Variants in GPR139 observed in about 807,000 individuals in gnomAD.
GPR139 encodes G protein-coupled receptor 139.
A neutral mutation model predicts 25.8 loss-of-function variants in GPR139; 12 were observed. The ratio of observed to expected loss-of-function variants is 0.47; its 90% CI spans 0.30 to 0.75. The LOEUF (loss-of-function observed/expected upper bound fraction) is 0.75. Among genes scored for constraint, GPR139 ranks in the 30% least tolerant of loss-of-function variants. The pLI is 0.07. For synonymous variants in GPR139, 184 were observed against 179.9 expected (o/e 1.02, Z -0.18); for missense variants, 380 against 450.2 (o/e 0.84, Z 1.41).
chr16:20,069,845 T>A (rs1477675098), intron 1 of GPR139, among the ~76,000 whole-genome samples: 1 of 152,256 alleles, frequency 6.6e-6, no homozygotes, highest in Admixed American at 6.5e-5. Context: ...GTCTCTTTTG[T>A]ACTGTCTCAT....
chr16:20,055,951 G>T (rs557335913), intron 1 of GPR139, among the ~76,000 whole-genome samples: 2 of 152,314 alleles, frequency 1.3e-5, no homozygotes, highest in Admixed American at 1.3e-4. Context: ...GTTAATTCAG[G>T]TAATGTGTTT....
intron 1 of GPR139, among the ~76,000 whole-genome samples, chr16:20,070,293 A>G (rs1006137761): frequency 3.9e-5 from 6 of 152,126 alleles, no homozygotes; most frequent in African/African-American, 1.4e-4. Flanking sequence ...CAGTGTGGAG[A>G]AGGCACTGAG....
intron 1 of GPR139, among the ~76,000 whole-genome samples, chr16:20,040,782 T>C (rs1434603841): frequency 1.3e-5 from 2 of 152,130 alleles, no homozygotes; most frequent in African/African-American, 2.4e-5. Context: ...TTAGGTTAGA[T>C]GTCAAGAAGA....
Position 20,039,059 on chromosome 16 carries a change from A to G in GPR139, c.128-6390T>C, listed in dbSNP as rs139184098. Among the ~76,000 whole-genome samples, 275 of 152,340 alleles carry G rather than the reference A, an allele frequency of 1.8e-3. 2 individuals are homozygous for G. Among genetic ancestry groups the G allele is most frequent in the Middle Eastern group, 0.017 (5 of 294 alleles). ...CACCACCAAAATGTCAATGCTTCTG[A>G]AAAGCAAATCCTTTCTGTCAATGGT... On this transcript the variant is annotated intron_variant, in intron 1 of 1. Transcript: ENST00000570682.
At chr16:20,065,918 A>G (rs569543183) in intron 1 of GPR139, among the ~76,000 whole-genome samples, 11 of 152,024 alleles carry the variant, frequency 7.2e-5, no homozygotes, top group Admixed American at 5.9e-4. Context: ...AATGCGTTTG[A>G]AGTGTTTTGA....
chr16:20,064,081 G>A (rs567300193), intron 1 of GPR139, among the ~76,000 whole-genome samples: 1 of 152,280 alleles, frequency 6.6e-6, no homozygotes, highest in Admixed American at 6.5e-5. Context: ...TTTCTATCAT[G>A]AGAAAAGATT....
intron 1 of GPR139, among the ~76,000 whole-genome samples, chr16:20,050,952 A>G (rs115165635): frequency 0.011 from 1,601 of 151,550 alleles, 28 homozygotes; most frequent in African/African-American, 0.037. Context: ...TGTCCCAGCT[A>G]CTTGGGAGTC....
At chr16:20,040,838 T>G (rs1023507867) in intron 1 of GPR139, among the ~76,000 whole-genome samples, 1 of 152,086 alleles carries the variant, frequency 6.6e-6, no homozygotes, top group African/African-American at 2.4e-5. Context: ...AGCAGGCCAC[T>G]CTTGAGCACA....
chr16:20,032,983 C>G (rs1178217861), intron 1 of GPR139, among the ~76,000 whole-genome samples: 1 of 150,210 alleles, frequency 6.7e-6, no homozygotes, highest in Admixed American at 6.6e-5. Flanking sequence ...CTCACACAAC[C>G]ATGAGTGGTG....
rs1408689444 is a variant in GPR139 at position 20,038,325 on chromosome 16, ATATATGTG to A, written c.128-5664_128-5657del. Among the ~76,000 whole-genome samples, 185 of 48,936 alleles carry A rather than the reference ATATATGTG, an allele frequency of 3.8e-3. 1 individual carries two copies. Among genetic ancestry groups the A allele is most frequent in the Admixed American group, 0.018 (81 of 4,488 alleles). 32.1% of individuals were successfully genotyped at this position (48,936 alleles called of 152,430 possible). A position where few individuals can be genotyped will look rare whatever the true frequency, so the allele number is the denominator to read the frequency against. ...ACAGGTTTAAGTTCCTGGATAATAT[ATATATGTG>A]TGTGTGTGTGTGTGTGTGTGTGTGT... On this transcript the variant is annotated intron_variant, in intron 1 of 1. Coordinates refer to ENST00000570682, the MANE Select transcript of GPR139 (RefSeq NM_001002911.4).
chr16:20,047,992 T>C (rs1323229314), intron 1 of GPR139, among the ~76,000 whole-genome samples: 1 of 152,218 alleles, frequency 6.6e-6, no homozygotes, highest in Non-Finnish European at 1.5e-5. Context: ...GGTAAAAGTT[T>C]GGAAGGGCAG....
chr16:20,060,659 G>GTA (rs1164055857), intron 1 of GPR139, among the ~76,000 whole-genome samples: 3 of 152,200 alleles, frequency 2.0e-5, no homozygotes, highest in Non-Finnish European at 2.9e-5. Context: ...TTCATACTCT[G>GTA]TATAATGTAT....
chr16:20,046,009 A>G (rs1011475488), intron 1 of GPR139, among the ~76,000 whole-genome samples: 2 of 152,196 alleles, frequency 1.3e-5, no homozygotes, highest in Non-Finnish European at 2.9e-5. Flanking sequence ...CTGGGGTGTC[A>G]GAGGCTAATT....
At chr16:20,041,541 A>G (rs1230491924) in intron 1 of GPR139, among the ~76,000 whole-genome samples, 2 of 151,836 alleles carry the variant, frequency 1.3e-5, no homozygotes, top group African/African-American at 4.8e-5. Context: ...TACCTGCCCC[A>G]CTCTGGACCC....
rs754794349 is a variant in GPR139 at position 20,032,596 on chromosome 16, C to T, written c.201G>A (p.Leu67=). Residue 67 remains leucine (L), a synonymous_variant, in exon 2 of 2, where the codon TTG becomes TTA. Transcript: ENST00000570682. The part of the protein sequence containing the change: ...RRQKSSYNYL[L]ALAAADILVL... ...CCAAGATGTCGGCAGCAGCGAGTGC[C>T]AAGAGATAGTTGTAGGAGGACTTCT... 6.2e-7 allele frequency: 1 copy of T among 1,613,992 alleles called. No individual in the cohort carries two copies. The highest frequency in any genetic ancestry group is 1.3e-5 in the African/African-American group (1 of 75,016).
At chr16:20,040,763 C>A (rs2057326839) in intron 1 of GPR139, among the ~76,000 whole-genome samples, 1 of 152,056 alleles carries the variant, frequency 6.6e-6, no homozygotes, top group Non-Finnish European at 1.5e-5. Flanking sequence ...TTGGAGGCTA[C>A]AAAAGGATTT....
intron 1 of GPR139, among the ~76,000 whole-genome samples, chr16:20,067,821 A>AAAGC (rs1384214393): frequency 1.3e-5 from 2 of 151,600 alleles, no homozygotes; most frequent in Non-Finnish European, 2.9e-5. Flanking sequence ...AAAAAAAAAA[A>AAAGC]AAAGCATTGG....
At chr16:20,039,003 C>G (rs1596464772) in intron 1 of GPR139, among the ~76,000 whole-genome samples, 1 of 152,140 alleles carries the variant, frequency 6.6e-6, no homozygotes, top group African/African-American at 2.4e-5. Context: ...GAAACCCAAC[C>G]AATCCCATCC....
At chr16:20,034,262 T>C (rs2057302320) in intron 1 of GPR139, among the ~76,000 whole-genome samples, 1 of 152,212 alleles carries the variant, frequency 6.6e-6, no homozygotes, top group African/African-American at 2.4e-5. Context: ...TGGTAGCCAT[T>C]TAAAATGTCA....
Sources: gnomAD v4.1 joint callset for allele counts (sites outside exome capture counted in the v4.1 genomes callset) on GRCh38, gnomAD v4.1.1 for gene constraint, MANE v1.5 for transcripts, NCBI Gene and HGNC (gene_info 2026-07-23, HGNC 2026-07-21) for gene names.